Variants in OSBPL3 observed in about 807,000 individuals in gnomAD.
OSBPL3 encodes oxysterol-binding protein-related protein 3.
In OSBPL3, 65 loss-of-function variants were observed where a neutral mutation model predicts 120.1. The ratio of observed to expected loss-of-function variants is 0.54; its 90% confidence interval spans 0.44 to 0.67. The LOEUF (loss-of-function observed/expected upper bound fraction) is 0.67. OSBPL3 is among the 30% of genes least tolerant of loss of function. The probability of loss-of-function intolerance (pLI) is 0.00; values close to 1 mark genes in which losing one functional copy is unlikely to be tolerated. For missense variants in OSBPL3, 1,004 were observed against 1,082.1 expected (o/e 0.93, Z 1.01); for synonymous variants, 416 against 402.6 (o/e 1.03, Z -0.40).
chr7:24,918,372 C>T lies in OSBPL3; in HGVS notation c.-149-25751G>A, dbSNP rs1809976159. 6.6e-6 allele frequency among the ~76,000 whole-genome samples: 1 copy of T among 152,172 alleles called. No individual in the cohort carries two copies. The highest frequency in any genetic ancestry group is 2.4e-5 in the African/African-American group (1 of 41,436). ...CTGTTTAAACTTTACTACTCACACT[C>T]AATCCTTCCTATTTCAGTCTGGAAT... On this transcript the variant is annotated intron_variant, in intron 1 of 22. Coordinates refer to ENST00000313367, the MANE Select transcript of OSBPL3 (RefSeq NM_015550.4). The surrounding 1 kb of genome is among the most constrained non-coding windows in gnomAD (Gnocchi z 4.3).
At chr7:24,920,251 T>C (rs1810229101) in intron 1 of OSBPL3, among the ~76,000 whole-genome samples, 1 of 152,168 alleles carries the variant, frequency 6.6e-6, no homozygotes, top group African/African-American at 2.4e-5. Flanking sequence ...AAATATCTAC[T>C]AACTGAATAC....
At chr7:24,945,658 G>A (rs556949979) in intron 1 of OSBPL3, among the ~76,000 whole-genome samples, 1 of 152,194 alleles carries the variant, frequency 6.6e-6, no homozygotes, top group Non-Finnish European at 1.5e-5. Flanking sequence ...AGAAGTACAC[G>A]TAAGACCCTG....
intron 1 of OSBPL3, among the ~76,000 whole-genome samples, chr7:24,911,247 A>G (rs1254267926): frequency 6.6e-6 from 1 of 152,232 alleles, no homozygotes; most frequent in Non-Finnish European, 1.5e-5. Context: ...AACTTAAAAT[A>G]ACATCTGGTG....
intron 1 of OSBPL3, among the ~76,000 whole-genome samples, chr7:24,962,787 T>G (rs1815934831): frequency 6.6e-6 from 1 of 152,186 alleles, no homozygotes; most frequent in Non-Finnish European, 1.5e-5. Context: ...TTTGGACGTT[T>G]TAGCAACATA....
In OSBPL3 at chr7:24,964,409, G is replaced by A. The variant is rs753222014; in HGVS notation, c.-150+15477C>T. 6.6e-6 allele frequency among the ~76,000 whole-genome samples: 1 copy of A among 152,194 alleles called. No homozygotes were observed. The highest frequency in any genetic ancestry group is 1.5e-5 in the Non-Finnish European group (1 of 68,046). ...ACTCTTGATATGATGTAATGAGAAT[G>A]GCATTTTACCTCTGTAATCTTCTTC... On this transcript the variant is annotated intron_variant, in intron 1 of 22. Transcript: ENST00000313367. The surrounding 1 kb of genome is among the most constrained non-coding windows in gnomAD (Gnocchi z 4.2).
At position 24,808,774 on chromosome 7, in the gene OSBPL3, G is replaced by A. The variant is rs1200419713; in HGVS notation, c.2317+1033C>T. ...ATCTCTCTTGCCTACTCTGTTGCCCGTGACTGGTTCACGGATGGGTCTGAA... is the reference window on the plus strand; with the variant it reads ...ATCTCTCTTGCCTACTCTGTTGCCCATGACTGGTTCACGGATGGGTCTGAA... On this transcript the variant is annotated intron_variant, in intron 20 of 22. Coordinates refer to ENST00000313367, the MANE Select transcript of OSBPL3 (RefSeq NM_015550.4). This position sits in a 1 kb window ranked among gnomAD's most constrained non-coding sequence, Gnocchi z 4.6. 1.3e-5 allele frequency among the ~76,000 whole-genome samples: 2 copies of A among 152,194 alleles called. No homozygotes were observed. The highest frequency in any genetic ancestry group is 1.9e-4 in the East Asian group (1 of 5,198).
At chr7:24,845,242 C>T (rs1266316247) in intron 12 of OSBPL3, among the ~76,000 whole-genome samples, 2 of 151,594 alleles carry the variant, frequency 1.3e-5, no homozygotes, top group African/African-American at 4.8e-5. Context: ...TTTTAATTTT[C>T]ATTAGGCTGA....
intron 1 of OSBPL3, among the ~76,000 whole-genome samples, chr7:24,943,839 C>T (rs924058390): frequency 2.0e-5 from 3 of 152,098 alleles, no homozygotes; most frequent in African/African-American, 4.8e-5. Context: ...GATATGCCTT[C>T]GGTTGGTCCA....
At chr7:24,807,290 C>T (rs1228326179) in intron 20 of OSBPL3, among the ~76,000 whole-genome samples, 5 of 119,062 alleles carry the variant, frequency 4.2e-5, no homozygotes, top group Middle Eastern at 4.2e-3. Context: ...GTCAGGAGTT[C>T]GAGACCAGCC....
chr7:24,826,874 C>A (rs928054328), intron 16 of OSBPL3, among the ~76,000 whole-genome samples: 1 of 152,148 alleles, frequency 6.6e-6, no homozygotes, highest in African/African-American at 2.4e-5. Context: ...TCTCAAGCAG[C>A]AATGACTTCC....
chr7:24,849,160 G>A lies in OSBPL3; in HGVS notation c.1175C>T (p.Thr392Ile), dbSNP rs1243846768. Residue 392 changes from threonine to isoleucine, a missense_variant, in exon 12 of 23, where the codon ACA (threonine) becomes ATA (isoleucine). This residue lies in a region of OSBPL3 where 272 missense variants were observed against 248.8 expected (regional missense o/e 1.09). Transcript: ENST00000313367. This position sits in a 1 kb window ranked among gnomAD's most constrained non-coding sequence, Gnocchi z 5.4. The stretch of plus-strand genomic sequence containing the variant: ...TCTGCGTAAGCGTTCTTTAAGATCT[G>A]TGTTTTGTGCTAGGGCCTGGAACAT... ...NALSSALAQN[T>I]DLKERLRRIH... 1.2e-6 allele frequency: 2 copies of A among 1,613,710 alleles called. No homozygotes were observed. Among genetic ancestry groups the A allele is most frequent in the Admixed American group, 3.3e-5 (2 of 60,016 alleles).
Position 24,871,613 on chromosome 7 carries a change from A to C in OSBPL3, c.267+129T>G. 1.4e-6 allele frequency: 1 copy of C among 710,476 alleles called. No individual in the cohort carries two copies. Among genetic ancestry groups the C allele is most frequent in the Non-Finnish European group, 2.4e-6 (1 of 413,716 alleles). The allele number at this position is 710,476 out of a possible 1,614,324, so 44.0% of individuals were successfully genotyped here. The stretch of plus-strand genomic sequence containing the variant: ...TGCCTGGAACCCAGAGCTCAGACAG[A>C]AGTGTTTCCCCTCTATGGTTTCCAG... On this transcript the variant is annotated intron_variant, in intron 4 of 22. Coordinates refer to ENST00000313367, the MANE Select transcript of OSBPL3 (RefSeq NM_015550.4). The surrounding 1 kb of genome is among the most constrained non-coding windows in gnomAD (Gnocchi z 4.8).
rs756488173 is a variant in OSBPL3, at chr7:24,854,689, G to A, written c.1028-2055C>T. On this transcript the variant is annotated intron_variant, in intron 10 of 22. Transcript: ENST00000313367. This position sits in a 1 kb window ranked among gnomAD's most constrained non-coding sequence, Gnocchi z 4.1. Reference sequence around the variant, plus strand: ...GGGCAGGACAACAGAGTAATCAACAGCTGGGGCTCCACCATCAGCCCTGGA... The same window carrying A: ...GGGCAGGACAACAGAGTAATCAACAACTGGGGCTCCACCATCAGCCCTGGA... Among the ~76,000 whole-genome samples the A allele has an allele frequency of 2.0e-5, 3 of 152,100 alleles. No homozygotes were observed. The highest frequency in any genetic ancestry group is 4.4e-5 in the Non-Finnish European group (3 of 68,020).
intron 1 of OSBPL3, among the ~76,000 whole-genome samples, chr7:24,901,687 GC>G (rs554544792): frequency 1.3e-3 from 193 of 152,286 alleles, no homozygotes; most frequent in African/African-American, 4.6e-3. Context: ...GTGGGGCCAG[GC>G]TTTGGTATTC....
chr7:24,928,339 C>A (rs1020298928), intron 1 of OSBPL3, among the ~76,000 whole-genome samples: 5 of 151,984 alleles, frequency 3.3e-5, no homozygotes, highest in Admixed American at 6.6e-5. Flanking sequence ...CTATAGGCGC[C>A]CGCCACCACA....
chr7:24,905,523 A>G (rs1223462905), intron 1 of OSBPL3, among the ~76,000 whole-genome samples: 1 of 152,206 alleles, frequency 6.6e-6, no homozygotes, highest in Non-Finnish European at 1.5e-5. Context: ...ATCAATTATT[A>G]CCAACCCTGG....
chr7:24,921,474 G>A (rs7778780), intron 1 of OSBPL3, among the ~76,000 whole-genome samples: 47,184 of 151,994 alleles, frequency 0.31, 7,985 homozygotes, highest in African/African-American at 0.45. Context: ...TTTCATAGAC[G>A]TTTGGTCATG....
In OSBPL3 at chr7:24,800,124, C is replaced by G. The variant is rs1330785239; in HGVS notation, c.*59G>C. On this transcript the variant is annotated 3_prime_UTR_variant, in exon 23 of 23. Coordinates refer to ENST00000313367, the MANE Select transcript of OSBPL3 (RefSeq NM_015550.4). ...TTAAATATATAAACACAGGTTTGTG[C>G]CACTTCAGAAGGCAAGCACAGGAGA... 1 of 927,042 alleles carries G rather than the reference C, an allele frequency of 1.1e-6. No individual in the cohort carries two copies. The highest frequency in any genetic ancestry group is 2.5e-5 in the East Asian group (1 of 40,492). 57.4% of individuals were successfully genotyped at this position (927,042 alleles called of 1,614,324 possible). A position where few individuals can be genotyped will look rare whatever the true frequency, so the allele number is the denominator to read the frequency against.
chr7:24,926,270 A>G (rs1171084949), intron 1 of OSBPL3, among the ~76,000 whole-genome samples: 1 of 152,160 alleles, frequency 6.6e-6, no homozygotes, highest in East Asian at 1.9e-4. Flanking sequence ...AAGTTTCTTT[A>G]GTGGATATTC....
Sources: allele counts gnomAD v4.1 joint callset (sites outside exome capture counted in the v4.1 genomes callset), GRCh38; gene constraint gnomAD v4.1.1; regional missense constraint gnomAD v4.1.1; non-coding constraint Gnocchi (gnomAD v3.1); transcripts MANE v1.5; gene names NCBI Gene and HGNC (gene_info 2026-07-23, HGNC 2026-07-21).